The following AEBP2 variants were observed in gnomAD, a reference collection of about 807,000 sequenced individuals.
AEBP2 encodes AE binding protein 2.
AEBP2 carries 10 observed loss-of-function variants against 50.8 expected under a neutral mutation model. The ratio of observed to expected loss-of-function variants is 0.20; its 90% CI spans 0.12 to 0.33. AEBP2 has a LOEUF of 0.33. AEBP2 is among the 10% of genes least tolerant of loss of function. The pLI is 1.00. For synonymous variants in AEBP2, 296 were observed against 261.3 expected (o/e 1.13, Z -1.28); for missense variants, 570 against 688.0 (o/e 0.83, Z 1.92).
chr12:19,440,717 C>CGG, intron 1 of AEBP2: 2 of 1,533,504 alleles, frequency 1.3e-6, no homozygotes, highest in Non-Finnish European at 1.7e-6. Context: ...GTACACACGT[C>CGG]GGTACTCAAG....
chr12:19,414,417 C>T (rs1219919798), intron 1 of AEBP2, among the ~76,000 whole-genome samples: 1 of 152,156 alleles, frequency 6.6e-6, no homozygotes, highest in Non-Finnish European at 1.5e-5. Flanking sequence ...ATCTCAAAAT[C>T]AGTGGGCTTT....
chr12:19,498,460 A>C (rs1949019180), intron 4 of AEBP2, among the ~76,000 whole-genome samples: 1 of 152,108 alleles, frequency 6.6e-6, no homozygotes, highest in Admixed American at 6.5e-5. Flanking sequence ...GTTCTATTTG[A>C]TGTGCCAACT....
At chr12:19,429,578 A>G (rs1354423489) in intron 1 of AEBP2, among the ~76,000 whole-genome samples, 1 of 152,184 alleles carries the variant, frequency 6.6e-6, no homozygotes, top group East Asian at 1.9e-4. Flanking sequence ...GGTTGAACTG[A>G]TTTACAGTCC....
At chr12:19,408,051 C>A (rs1484874807) in intron 1 of AEBP2, among the ~76,000 whole-genome samples, 37 of 138,220 alleles carry the variant, frequency 2.7e-4, no homozygotes, top group African/African-American at 2.5e-4. Context: ...AACTCTGTCT[C>A]AAAAAAAAAA....
rs1435783359 is a variant in AEBP2, at chr12:19,496,836, A to AT, written c.1174+2859dup. Among the ~76,000 whole-genome samples, 626 of 148,596 alleles carry AT rather than the reference A, an allele frequency of 4.2e-3. 7 individuals are homozygous for AT. Among genetic ancestry groups the AT allele is most frequent in the African/African-American group, 0.014 (575 of 40,602 alleles). ...ACCACCACACCCAACTAATTTTTGTATTTTTTTTTGGTAGAAGTGGGGTTT... is the reference window on the plus strand; with the variant it reads ...ACCACCACACCCAACTAATTTTTGTATTTTTTTTTTGGTAGAAGTGGGGTTT... On this transcript the variant is annotated intron_variant, in intron 4 of 7. Transcript: ENST00000266508.
intron 1 of AEBP2, among the ~76,000 whole-genome samples, chr12:19,430,775 G>A (rs2095751022): frequency 6.6e-6 from 1 of 151,586 alleles, no homozygotes. Flanking sequence ...TTGGCTCTCT[G>A]TCTGTGTGTT....
rs1384193648 is a variant in AEBP2 at position 19,500,236 on chromosome 12, A to G, written c.1299+15A>G. On this transcript the variant is annotated intron_variant, in intron 5 of 7. Coordinates refer to ENST00000266508, the MANE Select transcript of AEBP2 (RefSeq NM_153207.5). ...TTCATAGTACTGTAAGTATTCTTTT[A>G]TTTTTTCAAATTAAATATAAAACTT... is the stretch of plus-strand genomic sequence containing the variant. 7.0e-7 allele frequency: 1 copy of G among 1,432,160 alleles called. No individual in the cohort carries two copies. Among genetic ancestry groups the G allele is most frequent in the Admixed American group, 3.2e-5 (1 of 31,172 alleles). The allele number at this position is 1,432,160 out of a possible 1,614,324, so 88.7% of individuals were successfully genotyped here.
At chr12:19,415,334 AAAAAAAAAAAAAAAAAAT>A (rs1414815820) in intron 1 of AEBP2, among the ~76,000 whole-genome samples, 4 of 43,564 alleles carry the variant, frequency 9.2e-5, no homozygotes, top group African/African-American at 1.8e-4. Context: ...AAAAAAAAAA[AAAAAAAAAAAAAAAAAAT>A]ATATATATAT....
chr12:19,512,315 C>T, intron 5 of AEBP2, 83 bp from the exon 6 acceptor site: 1 of 956,698 alleles, frequency 1.0e-6, no homozygotes, highest in South Asian at 1.7e-5. Context: ...CCATCGCGCC[C>T]AGCCCCAAAA....
intron 5 of AEBP2, chr12:19,509,073 G>T: frequency 1.7e-6 from 1 of 583,538 alleles, no homozygotes; most frequent in South Asian, 1.7e-5. Flanking sequence ...GGAGGGGTTC[G>T]TGCTGTGAGA....
chr12:19,493,193 G>A (rs2120448923), intron 3 of AEBP2, among the ~76,000 whole-genome samples: 1 of 152,294 alleles, frequency 6.6e-6, no homozygotes, highest in East Asian at 1.9e-4. Context: ...CATGAGGCCA[G>A]GAGTTCGAGA....
rs1418031920 is a variant in AEBP2, at chr12:19,428,369, CCTT to C, written c.-17+24156_-17+24158del. 1.5e-4 allele frequency among the ~76,000 whole-genome samples: 23 copies of C among 152,300 alleles called. No individual in the cohort carries two copies. In the East Asian group the frequency reaches 4.2e-3, roughly 28 times the overall value. On this transcript the variant is annotated intron_variant, in intron 1 of 3. Coordinates refer to the AEBP2 transcript ENST00000538425. ...GTCCATGTTTCTTTTGTGGTTCTGT[CCTT>C]CTCCAATGTGGTGATGGTATGCATG...
In AEBP2 at chr12:19,440,573, TC is replaced by T. The variant is rs933043502; in HGVS notation, c.671+210del. ...TCGCGGCTTCCAACTCTCAAACCGT[TC>T]CCCCCCAACTCTCCTTTCCCCGCCC... On this transcript the variant is annotated intron_variant, in intron 1 of 7. Coordinates refer to ENST00000266508, the MANE Select transcript of AEBP2 (RefSeq NM_153207.5). 3.5e-6 allele frequency: 5 copies of T among 1,409,494 alleles called. No individual in the cohort carries two copies. The East Asian group carries it at 7.8e-5, about 22-fold the overall frequency. 87.3% of individuals were successfully genotyped at this position (1,409,494 alleles called of 1,614,324 possible).
At chr12:19,486,076 C>T (rs1024573632) in intron 3 of AEBP2, among the ~76,000 whole-genome samples, 2 of 150,612 alleles carry the variant, frequency 1.3e-5, no homozygotes, top group Non-Finnish European at 3.0e-5. Flanking sequence ...TAACTACCAT[C>T]CTGATAGAGA....
At chr12:19,442,236 T>C (rs1287430548) in intron 1 of AEBP2, among the ~76,000 whole-genome samples, 1 of 152,100 alleles carries the variant, frequency 6.6e-6, no homozygotes, top group Non-Finnish European at 1.5e-5. Flanking sequence ...AGTGAAACCT[T>C]ATCTACATTA....
Position 19,439,694 on chromosome 12 carries a change from G to C in AEBP2, c.-6G>C. 6.6e-7 allele frequency: 1 copy of C among 1,517,546 alleles called. No individual in the cohort carries two copies. The highest frequency in any genetic ancestry group is 8.8e-7 in the Non-Finnish European group (1 of 1,139,134). 94.0% of individuals were successfully genotyped at this position (1,517,546 alleles called of 1,614,324 possible). On this transcript the variant is annotated 5_prime_UTR_variant, in exon 1 of 8. Transcript: ENST00000266508. ...AGGAGGAGGAGGAGGAGGAGCAGGC[G>C]CCGCCATGGCCGCCGCTATCACCGA...
intron 1 of AEBP2, among the ~76,000 whole-genome samples, chr12:19,449,340 T>C (rs551992006): frequency 2.0e-5 from 3 of 152,312 alleles, no homozygotes; most frequent in African/African-American, 2.4e-5. Context: ...ATAACTTCCT[T>C]AGTGTAATTG....
Position 19,500,165 on chromosome 12 carries a change from C to A in AEBP2, c.1243C>A (p.Leu415Ile). The A allele has an allele frequency of 6.3e-7, 1 of 1,599,666 alleles. No homozygotes were observed. The highest frequency in any genetic ancestry group is 2.3e-5 in the East Asian group (1 of 44,378). The change falls in exon 5 of 8, where the codon CTC becomes ATC. Residue 415 changes from leucine to isoleucine, a missense_variant. Physicochemically the swap from Leu to Ile is conservative, Grantham distance 5. Around this residue, in one of 2 missense-constraint regions of AEBP2, gnomAD observed 184 missense variants for 351.2 expected, o/e 0.52. Coordinates refer to ENST00000266508, the MANE Select transcript of AEBP2 (RefSeq NM_153207.5). ...AIRHRAICFNLSAHIESLGKG... is the reference protein window; with the variant it reads ...AIRHRAICFNISAHIESLGKG... ...AAGACATCGAGCCATATGCTTTAAC[C>A]TCTCAGCTCATATAGAAAGTTTAGG... is the stretch of plus-strand genomic sequence containing the variant.
At chr12:19,460,635 A>AGCCACCACGCCCGGCCTGAAAGTCAC (rs1436448181) in intron 1 of AEBP2, among the ~76,000 whole-genome samples, 1 of 144,476 alleles carries the variant, frequency 6.9e-6, no homozygotes, top group Non-Finnish European at 1.5e-5. Flanking sequence ...TATAGGCGTG[A>AGCCACCACGCCCGGCCTGAAAGTCAC]GCCACCACGC....
Sources: allele counts gnomAD v4.1 joint callset (sites outside exome capture counted in the v4.1 genomes callset), GRCh38; gene constraint gnomAD v4.1.1; regional missense constraint gnomAD v4.1.1; transcripts MANE v1.5; gene names NCBI Gene and HGNC (gene_info 2026-07-23, HGNC 2026-07-21).